Variants in MRTFB observed in about 807,000 individuals in gnomAD.
MRTFB encodes the protein myocardin-related transcription factor B.
A neutral mutation model predicts 104.2 loss-of-function variants in MRTFB; 29 were observed. The ratio of observed to expected loss-of-function variants is 0.28; its 90% CI spans 0.21 to 0.38. MRTFB has a LOEUF of 0.38. MRTFB is among the 10% of genes least tolerant of loss of function. MRTFB has a pLI of 1.00. For synonymous variants in MRTFB, 535 were observed against 519.5 expected (o/e 1.03, Z -0.41); for missense variants, 1,270 against 1,341.6 (o/e 0.95, Z 0.83).
At chr16:14,190,785 A>G (rs1483805638) in intron 3 of MRTFB, among the ~76,000 whole-genome samples, 1 of 152,226 alleles carries the variant, frequency 6.6e-6, no homozygotes, top group Non-Finnish European at 1.5e-5. Context: ...CTGTCCTCCA[A>G]GAAGTGACCT....
chr16:14,209,154 G>C (rs1424292232), intron 3 of MRTFB, among the ~76,000 whole-genome samples: 1 of 152,212 alleles, frequency 6.6e-6, no homozygotes, highest in Non-Finnish European at 1.5e-5. Context: ...ACGTGCCTGC[G>C]TCTGCAGGCC....
chr16:14,243,864 G>GGTTTTTTTTTTT (rs2042889127), intron 10 of MRTFB, among the ~76,000 whole-genome samples: 1 of 124,676 alleles, frequency 8.0e-6, no homozygotes, highest in Non-Finnish European at 1.6e-5. Flanking sequence ...CCTGTTTTGG[G>GGTTTTTTTTTTT]TTTTTTTTTT....
chr16:14,188,453 A>T (rs188510858), intron 3 of MRTFB, among the ~76,000 whole-genome samples: 1 of 151,754 alleles, frequency 6.6e-6, no homozygotes, highest in East Asian at 1.9e-4. Context: ...CAGCAATGGG[A>T]TTAAGGCACA....
the MRTFB span, among the ~76,000 whole-genome samples, chr16:14,059,924 G>A: frequency 2.7e-5 from 4 of 149,172 alleles, no homozygotes; most frequent in South Asian, 8.5e-4. Flanking sequence ...TGTGCTCGCT[G>A]TATGATCATG....
intron 1 of MRTFB, among the ~76,000 whole-genome samples, chr16:14,072,818 C>T (rs2033797982): frequency 6.6e-6 from 1 of 152,194 alleles, no homozygotes; most frequent in African/African-American, 2.4e-5. Context: ...AACAGACTGT[C>T]TCAATAAATA....
chr16:14,128,933 T>A (rs919045562), intron 2 of MRTFB, among the ~76,000 whole-genome samples: 3 of 152,232 alleles, frequency 2.0e-5, no homozygotes, highest in African/African-American at 7.2e-5. Context: ...AAAAATCTCC[T>A]TGTTATCAGC....
chr16:14,160,524 T>C (rs575725709), intron 3 of MRTFB, among the ~76,000 whole-genome samples: 1 of 152,336 alleles, frequency 6.6e-6, no homozygotes, highest in South Asian at 2.1e-4. Flanking sequence ...TAATAAGTAA[T>C]GTGTGGGATA....
chr16:14,234,232 C>T lies in MRTFB; in HGVS notation c.780C>T (p.Val260=). 1.2e-6 allele frequency: 2 copies of T among 1,614,174 alleles called. No individual in the cohort carries two copies. Among genetic ancestry groups the T allele is most frequent in the African/African-American group, 1.3e-5 (1 of 75,034 alleles). Reference sequence around the variant, plus strand: ...CTCCCCCACGGCCTGCAGCTCCTGTCCTCCCCACAAACACTGTGTCCTCAG... The same window carrying T: ...CTCCCCCACGGCCTGCAGCTCCTGTTCTCCCCACAAACACTGTGTCCTCAG... ...DQPPPRPAAP[V]LPTNTVSSAK... The change falls in exon 9 of 17, where the codon GTC becomes GTT. Residue 260 remains valine, a synonymous_variant. Coordinates refer to ENST00000571589, the MANE Select transcript of MRTFB (RefSeq NM_001308142.2).
At chr16:14,172,100 A>G (rs748341421) in intron 3 of MRTFB, among the ~76,000 whole-genome samples, 1 of 152,164 alleles carries the variant, frequency 6.6e-6, no homozygotes, top group South Asian at 2.1e-4. Context: ...AGATGTCAGT[A>G]GAGAAGTGTC....
intron 15 of MRTFB, 149 bp from the exon 16 acceptor site, chr16:14,257,952 G>C (rs1266113843): frequency 1.5e-6 from 1 of 646,594 alleles, no homozygotes; most frequent in East Asian, 2.9e-5. Flanking sequence ...TTGGGTAAAT[G>C]GCTTAACTTC....
At chr16:14,169,793 G>C (rs1381914751) in intron 3 of MRTFB, among the ~76,000 whole-genome samples, 1 of 152,042 alleles carries the variant, frequency 6.6e-6, no homozygotes, top group Non-Finnish European at 1.5e-5. Context: ...GAGAGGCTAG[G>C]GCAAGAAGCT....
In MRTFB at chr16:14,261,701, A is replaced by G; in HGVS notation, c.*257A>G. ...TCAAAGACGACTCATCTATTTCTCC[A>G]GACTTCAGTAAAGAATGAAAAGTAC... On this transcript the variant is annotated 3_prime_UTR_variant, in exon 17 of 17. Coordinates refer to ENST00000571589, the MANE Select transcript of MRTFB (RefSeq NM_001308142.2). The G allele has an allele frequency of 2.4e-6, 1 of 419,708 alleles. No individual in the cohort carries two copies. The highest frequency in any genetic ancestry group is 4.2e-6 in the Non-Finnish European group (1 of 237,434). 26.0% of individuals were successfully genotyped at this position (419,708 alleles called of 1,614,324 possible). A position where few individuals can be genotyped will look rare whatever the true frequency, so the allele number is the denominator to read the frequency against.
At chr16:14,194,035 T>C (rs1410690206) in intron 3 of MRTFB, among the ~76,000 whole-genome samples, 1 of 152,218 alleles carries the variant, frequency 6.6e-6, no homozygotes, top group Non-Finnish European at 1.5e-5. Context: ...ACCACTCTAA[T>C]TTATTAAAAG....
At chr16:14,197,136 G>A (rs967688493) in intron 3 of MRTFB, among the ~76,000 whole-genome samples, 1 of 151,244 alleles carries the variant, frequency 6.6e-6, no homozygotes. Flanking sequence ...GCCCCACCAC[G>A]CCTGGCTGAT....
chr16:14,252,566 C>G, intron 15 of MRTFB, 64 bp downstream of exon 15: 1 of 1,535,704 alleles, frequency 6.5e-7, no homozygotes, highest in Non-Finnish European at 8.8e-7. Flanking sequence ...CAGTCTCGAG[C>G]AGACCTATAC....
Position 14,134,705 on chromosome 16 carries a change from G to A in MRTFB, c.-63-5839G>A, listed in dbSNP as rs144400066. ...TCACAACCTCGTGTCCCTCTTTCCC[G>A]TCTCCCATCACCCCACTCCCCAACA... On this transcript the variant is annotated intron_variant, in intron 2 of 16. Coordinates refer to ENST00000571589, the MANE Select transcript of MRTFB (RefSeq NM_001308142.2). 5.7e-4 allele frequency among the ~76,000 whole-genome samples: 87 copies of A among 152,120 alleles called. 1 individual carries two copies. Among genetic ancestry groups the A allele is most frequent in the African/African-American group, 2.0e-3 (83 of 41,482 alleles).
intron 3 of MRTFB, among the ~76,000 whole-genome samples, chr16:14,154,505 A>G (rs1051530808): frequency 3.3e-5 from 5 of 152,226 alleles, no homozygotes; most frequent in African/African-American, 1.2e-4. Flanking sequence ...GATCATTTAC[A>G]TTTAAGGTAA....
At chr16:14,189,377 T>C (rs902540335) in intron 3 of MRTFB, among the ~76,000 whole-genome samples, 16 of 152,204 alleles carry the variant, frequency 1.1e-4, no homozygotes, top group Admixed American at 7.9e-4. Context: ...TATCTGCTTT[T>C]AAATATTGGG....
At chr16:14,015,454 C>T in the MRTFB span, among the ~76,000 whole-genome samples, 1 of 152,214 alleles carries the variant, frequency 6.6e-6, no homozygotes. Flanking sequence ...AGAAAGAGAC[C>T]AAGAAATATA....
Sources: allele counts gnomAD v4.1 joint callset (sites outside exome capture counted in the v4.1 genomes callset), GRCh38; gene constraint gnomAD v4.1.1; transcripts MANE v1.5; gene names NCBI Gene and HGNC (gene_info 2026-07-23, HGNC 2026-07-21).